The following SPATA17 variants were observed in gnomAD, a reference collection of about 807,000 sequenced individuals.
SPATA17 encodes spermatogenesis associated 17, also known as spermatogenesis-associated protein 17.
In SPATA17, 53 loss-of-function variants were observed where a neutral mutation model predicts 62.2. That is an observed-to-expected ratio of 0.85 (90% CI 0.68 to 1.07). SPATA17 has a LOEUF of 1.07. Among genes scored for constraint, SPATA17 ranks in the 50% least tolerant of loss-of-function variants. SPATA17 has a pLI of 0.00. For synonymous variants in SPATA17, 146 were observed against 146.8 expected, an observed-to-expected ratio of 0.99 and a Z score of 0.04; for missense variants, 466 against 425.5, an observed-to-expected ratio of 1.10 and a Z score of -0.84.
At chr1:217,787,699 A>G (rs2102980309) in intron 8 of SPATA17, among the ~76,000 whole-genome samples, 1 of 152,186 alleles carries the variant, frequency 6.6e-6, no homozygotes, top group African/African-American at 2.4e-5. Context: ...GTATCTGTCC[A>G]GGAATTTTTG....
At chr1:217,713,473 C>G (rs569142926) in intron 5 of SPATA17, among the ~76,000 whole-genome samples, 2 of 152,230 alleles carry the variant, frequency 1.3e-5, no homozygotes, top group Admixed American at 6.5e-5. Context: ...CCCGCAAACA[C>G]CAGGTCTTTC....
At chr1:217,829,001 A>G (rs1459854224) in intron 9 of SPATA17, among the ~76,000 whole-genome samples, 3 of 152,128 alleles carry the variant, frequency 2.0e-5, no homozygotes, top group Admixed American at 6.6e-5. Context: ...TGGAATGCCA[A>G]TTGGAACAGC....
chr1:217,774,054 G>A (rs927010744), intron 6 of SPATA17, among the ~76,000 whole-genome samples: 5 of 152,106 alleles, frequency 3.3e-5, no homozygotes, highest in African/African-American at 1.2e-4. Flanking sequence ...GTATAGTGAT[G>A]TAAAAAGGCT....
rs1410584345 is a variant in SPATA17 at position 217,778,016 on chromosome 1, A to G, written c.723+3479A>G. 2.6e-5 allele frequency among the ~76,000 whole-genome samples: 4 copies of G among 152,084 alleles called. No individual in the cohort carries two copies. In the South Asian group the frequency reaches 8.3e-4, roughly 32 times the overall value. ...GAATTATGTACATTACTATTTTTCT[A>G]TTAGTGTAAGTAATCATCACATTGC... On this transcript the variant is annotated intron_variant, in intron 7 of 10. Transcript: ENST00000366933.
At chr1:217,706,907 CCCAGG>C (rs1671750647) in intron 5 of SPATA17, among the ~76,000 whole-genome samples, 1 of 151,426 alleles carries the variant, frequency 6.6e-6, no homozygotes, top group Admixed American at 6.6e-5. Flanking sequence ...TGCTCTTTCA[CCCAGG>C]CTGGAGTGCA....
At chr1:217,786,053 C>A (rs1362313791) in intron 8 of SPATA17, among the ~76,000 whole-genome samples, 1 of 152,040 alleles carries the variant, frequency 6.6e-6, no homozygotes, top group East Asian at 1.9e-4. Flanking sequence ...ATGGGAAGGT[C>A]TCATCTAGAT....
At chr1:217,637,755 T>C (rs1350033447) in intron 1 of SPATA17, among the ~76,000 whole-genome samples, 2 of 152,160 alleles carry the variant, frequency 1.3e-5, no homozygotes. Context: ...AATTAATTAC[T>C]GAATTTTTTC....
chr1:217,762,605 T>C (rs954290332), intron 6 of SPATA17, among the ~76,000 whole-genome samples: 1 of 152,230 alleles, frequency 6.6e-6, no homozygotes, highest in Non-Finnish European at 1.5e-5. Context: ...ATAGATTGTC[T>C]ACTCTATGCC....
In SPATA17 at chr1:217,638,260, TTCAGTCAGATAAA is replaced by T. The variant is rs1443333300; in HGVS notation, c.68+6815_68+6827del. Among the ~76,000 whole-genome samples, 47 of 152,258 alleles carry T rather than the reference TTCAGTCAGATAAA, an allele frequency of 3.1e-4. 1 individual carries two copies. Among genetic ancestry groups the T allele is most frequent in the African/African-American group, 9.6e-4 (40 of 41,570 alleles). ...TCCATAGGTATATACCTGTCCAAAC[TTCAGTCAGATAAA>T]GTTCTGCAGTGTTTGTTTTAAAATA... On this transcript the variant is annotated intron_variant, in intron 1 of 10. Transcript: ENST00000366933.
intron 8 of SPATA17, among the ~76,000 whole-genome samples, chr1:217,784,214 G>A (rs574157299): frequency 3.0e-4 from 45 of 152,088 alleles, no homozygotes; most frequent in African/African-American, 9.2e-4. Flanking sequence ...TAATAATTCC[G>A]TGAAGTATAG....
At chr1:217,859,349 A>C (rs1004284239) in intron 9 of SPATA17, among the ~76,000 whole-genome samples, 1 of 150,006 alleles carries the variant, frequency 6.7e-6, no homozygotes, top group Non-Finnish European at 1.5e-5. Flanking sequence ...TTTTCTATAT[A>C]TATAATTTCT....
At chr1:217,640,596 C>G (rs920008779) in intron 1 of SPATA17, among the ~76,000 whole-genome samples, 2 of 151,824 alleles carry the variant, frequency 1.3e-5, no homozygotes, top group African/African-American at 4.8e-5. Flanking sequence ...GGATTATGTA[C>G]AAGGGCGTTC....
intron 9 of SPATA17, among the ~76,000 whole-genome samples, chr1:217,847,021 C>A (rs1444664360): frequency 6.6e-6 from 1 of 151,880 alleles, no homozygotes; most frequent in Non-Finnish European, 1.5e-5. Context: ...TAAGTCAAAA[C>A]AATACATACA....
At position 217,658,933 on chromosome 1, in the gene SPATA17, C is replaced by T. The variant is rs144592585; in HGVS notation, c.240+7755C>T. The stretch of plus-strand genomic sequence containing the variant: ...GTGTTTTCTATTGTCGCCTGAGCCA[C>T]GAGGGCATGATTTGAAAACCACTGA... On this transcript the variant is annotated intron_variant, in intron 3 of 10. Coordinates refer to ENST00000366933, the MANE Select transcript of SPATA17 (RefSeq NM_138796.4). 6.1e-3 allele frequency among the ~76,000 whole-genome samples: 923 copies of T among 151,980 alleles called. 6 individuals are homozygous for T. Among genetic ancestry groups the T allele is most frequent in the Non-Finnish European group, 9.8e-3 (664 of 67,964 alleles).
At chr1:217,809,431 G>T (rs993724601) in intron 9 of SPATA17, among the ~76,000 whole-genome samples, 17 of 152,172 alleles carry the variant, frequency 1.1e-4, no homozygotes, top group African/African-American at 4.1e-4. Context: ...TTAGCTCACG[G>T]TTATGGAGTC....
intron 3 of SPATA17, among the ~76,000 whole-genome samples, chr1:217,661,266 C>CAG (rs10635602): frequency 0.26 from 38,737 of 151,384 alleles, 5,375 homozygotes; most frequent in African/African-American, 0.36. Flanking sequence ...AACAGGAAAA[C>CAG]AGTGATGTTA....
intron 1 of SPATA17, among the ~76,000 whole-genome samples, chr1:217,633,509 G>T (rs531471197): frequency 8.8e-6 from 1 of 113,492 alleles, no homozygotes; most frequent in East Asian, 2.4e-4. Context: ...ACGTTGGGAG[G>T]CCAGGGCAGG....
rs1169188806 is a variant in SPATA17 at position 217,657,720 on chromosome 1, CT to C, written c.240+6543del. ...TAAAACTTTAGTAATAGAACCTCCT[CT>C]AACTAAAATTTTAGCAAAATTCTTA... On this transcript the variant is annotated intron_variant, in intron 3 of 10. Coordinates refer to ENST00000366933, the MANE Select transcript of SPATA17 (RefSeq NM_138796.4). Among the ~76,000 whole-genome samples the C allele has an allele frequency of 5.3e-5, 8 of 152,318 alleles. No individual in the cohort carries two copies. The East Asian group carries it at 1.5e-3, about 29-fold the overall frequency.
rs1207863648 is a variant in SPATA17, at chr1:217,782,320, T to C, written c.870T>C (p.Asn290=). Residue 290 remains asparagine (N), a splice_region_variant and synonymous_variant, in exon 8 of 11, where the codon AAT becomes AAC. Transcript: ENST00000366933. ...AATGGCTGCAAAATGTAAATGACAA[T>C]ATGTGAGTTCTTAGCTTAACAAAAA... The part of the protein sequence containing the change: ...REEWLQNVND[N]MFLPFSSYHK... The C allele has an allele frequency of 1.2e-6, 2 of 1,601,978 alleles. No individual in the cohort carries two copies. The highest frequency in any genetic ancestry group is 1.7e-6 in the Non-Finnish European group (2 of 1,175,624).
Sources: gnomAD v4.1 joint callset for allele counts (sites outside exome capture counted in the v4.1 genomes callset) on GRCh38, gnomAD v4.1.1 for gene constraint, MANE v1.5 for transcripts, NCBI Gene and HGNC (gene_info 2026-07-23, HGNC 2026-07-21) for gene names.